PIAS1: variants seen among roughly 807,000 people sequenced by gnomAD.
PIAS1 encodes the protein protein inhibitor of activated STAT 1, also known as E3 SUMO-protein ligase PIAS1.
In PIAS1, 6 loss-of-function variants were observed where a neutral mutation model predicts 71.3. The observed-to-expected ratio is 0.08, with a 90% CI of 0.05 to 0.17. The LOEUF (loss-of-function observed/expected upper bound fraction) is 0.17, where lower values mean the gene tolerates loss of function less well. Among genes scored for constraint, PIAS1 ranks in the 10% least tolerant of loss-of-function variants. PIAS1 has a pLI of 1.00. For synonymous variants in PIAS1, 303 were observed against 292.9 expected (o/e 1.03, Z -0.35); for missense variants, 555 against 793.6 (o/e 0.70, Z 3.61).
chr15:68,154,622 A>G (rs1243207233), intron 7 of PIAS1, among the ~76,000 whole-genome samples: 1 of 152,214 alleles, frequency 6.6e-6, no homozygotes, highest in Non-Finnish European at 1.5e-5. Flanking sequence ...GGCAGAGTAA[A>G]AGATCCCACT....
chr15:68,092,822 T>C (rs1291777417), intron 2 of PIAS1, among the ~76,000 whole-genome samples: 1 of 152,318 alleles, frequency 6.6e-6, no homozygotes, highest in African/African-American at 2.4e-5. Context: ...ATCTTGGACT[T>C]CCCAGCTTCC....
At chr15:68,074,909 G>A (rs2092141785) in intron 1 of PIAS1, among the ~76,000 whole-genome samples, 1 of 150,548 alleles carries the variant, frequency 6.6e-6, no homozygotes, top group African/African-American at 2.4e-5. Flanking sequence ...AAAAAGTATA[G>A]TCTGTTTGGG....
In PIAS1 at chr15:68,086,277, A is replaced by G; in HGVS notation, c.25-29A>G. The G allele has an allele frequency of 7.2e-7, 1 of 1,398,576 alleles. No individual in the cohort carries two copies. The highest frequency in any genetic ancestry group is 9.8e-7 in the Non-Finnish European group (1 of 1,023,914). 86.6% of individuals were successfully genotyped at this position (1,398,576 alleles called of 1,614,324 possible). On this transcript the variant is annotated intron_variant, in intron 1 of 13. Coordinates refer to ENST00000249636, the MANE Select transcript of PIAS1 (RefSeq NM_016166.3). This position sits in a 1 kb window ranked among gnomAD's most constrained non-coding sequence, Gnocchi z 7.2. ...GTGTAAATTATATTATTGGAATACT[A>G]ATGTTTTACATTTTGTTTTTTCTCT...
chr15:68,127,102 G>A (rs1036914487), intron 2 of PIAS1, among the ~76,000 whole-genome samples: 4 of 151,646 alleles, frequency 2.6e-5, no homozygotes, highest in Admixed American at 6.6e-5. Context: ...ATTTTTGTAT[G>A]TTTAGTAGGG....
intron 2 of PIAS1, among the ~76,000 whole-genome samples, chr15:68,119,396 G>A (rs562938501): frequency 5.3e-5 from 8 of 151,634 alleles, no homozygotes; most frequent in Non-Finnish European, 7.4e-5. Flanking sequence ...AGTGAGCCAA[G>A]ATCATGCCAC....
intron 1 of PIAS1, among the ~76,000 whole-genome samples, chr15:68,060,455 A>G (rs1299191890): frequency 6.6e-6 from 1 of 152,016 alleles, no homozygotes; most frequent in Non-Finnish European, 1.5e-5. Context: ...TCTACTAAAA[A>G]TACAAAAATT....
At chr15:68,123,966 A>G (rs891063747) in intron 2 of PIAS1, among the ~76,000 whole-genome samples, 1 of 106,738 alleles carries the variant, frequency 9.4e-6, no homozygotes, top group Non-Finnish European at 1.9e-5. Context: ...AGGTATATGT[A>G]TACATATGTG....
intron 1 of PIAS1, among the ~76,000 whole-genome samples, chr15:68,069,000 A>G (rs925840597): frequency 2.1e-5 from 3 of 143,924 alleles, no homozygotes; most frequent in Non-Finnish European, 4.5e-5. Context: ...GGTTCAAGCC[A>G]TTCTCCTGGC....
At chr15:68,108,309 C>T (rs2092490195) in intron 2 of PIAS1, among the ~76,000 whole-genome samples, 1 of 152,238 alleles carries the variant, frequency 6.6e-6, no homozygotes, top group South Asian at 2.1e-4. Context: ...ACCCCATGAT[C>T]TGTTCTCAGT....
Position 68,141,965 on chromosome 15 carries a change from C to T in PIAS1, c.489C>T (p.Arg163=). 1 of 1,603,120 alleles carries T rather than the reference C, an allele frequency of 6.2e-7. No individual in the cohort carries two copies. The highest frequency in any genetic ancestry group is 8.5e-7 in the Non-Finnish European group (1 of 1,173,962). The change falls in exon 3 of 14, where the codon CGC becomes CGT. Residue 163 remains arginine (R), a synonymous_variant. Transcript: ENST00000249636. ...PTSLASDNSQ[R]FRETCFAFAL... ...CTTTAGCATCAGACAACAGTCAGCG[C>T]TTTCGAGAAACCTGTTTTGCATTTG...
chr15:68,135,594 G>C (rs1288844162), intron 2 of PIAS1, among the ~76,000 whole-genome samples: 1 of 53,032 alleles, frequency 1.9e-5, no homozygotes, highest in Admixed American at 1.6e-4. Flanking sequence ...CTCACCTCCC[G>C]GACGGGGTGG....
chr15:68,181,374 A>G lies in PIAS1; in HGVS notation c.1624+20A>G, dbSNP rs775235021. 1.2e-6 allele frequency: 2 copies of G among 1,609,146 alleles called. No individual in the cohort carries two copies. The highest frequency in any genetic ancestry group is 1.7e-6 in the Non-Finnish European group (2 of 1,175,748). On this transcript the variant is annotated intron_variant, in intron 12 of 13. Transcript: ENST00000249636. ...TACAAGGTGAGTCACTGGTTCTTCT[A>G]CATTGTCACATAGCATTATGAATGC... is the stretch of plus-strand genomic sequence containing the variant.
intron 2 of PIAS1, among the ~76,000 whole-genome samples, chr15:68,120,911 C>T (rs1291503181): frequency 6.6e-6 from 1 of 152,198 alleles, no homozygotes; most frequent in Non-Finnish European, 1.5e-5. Context: ...GCTGGGATTA[C>T]AGGCATGAGC....
At chr15:68,182,490 C>CATGTGTGTGTGT (rs142487547) in intron 12 of PIAS1, among the ~76,000 whole-genome samples, 1 of 123,280 alleles carries the variant, frequency 8.1e-6, no homozygotes, top group African/African-American at 3.2e-5. Flanking sequence ...GCTCAGGCTG[C>CATGTGTGTGTGT]GTGTGTGTGT....
intron 1 of PIAS1, among the ~76,000 whole-genome samples, chr15:68,071,849 G>A (rs2092100599): frequency 1.3e-5 from 2 of 151,994 alleles, no homozygotes; most frequent in Admixed American, 1.3e-4. Context: ...TTGGGAGGCT[G>A]AGGTGGGAGG....
At chr15:68,075,146 G>A (rs1374913897) in intron 1 of PIAS1, among the ~76,000 whole-genome samples, 9 of 133,902 alleles carry the variant, frequency 6.7e-5, no homozygotes, top group South Asian at 4.5e-4. Context: ...GCGAAGTGGC[G>A]TGATCTTGGC....
chr15:68,099,350 A>C (rs760645715), intron 2 of PIAS1, among the ~76,000 whole-genome samples: 8 of 151,060 alleles, frequency 5.3e-5, no homozygotes, highest in Non-Finnish European at 1.0e-4. Flanking sequence ...AGACTTAAGA[A>C]ATTTAGCACT....
intron 2 of PIAS1, among the ~76,000 whole-genome samples, chr15:68,126,750 C>T (rs2092653389): frequency 6.7e-6 from 1 of 150,112 alleles, no homozygotes; most frequent in Admixed American, 6.6e-5. Context: ...ATAGTTGTAC[C>T]ATGGTTATAA....
chr15:68,067,516 G>A (rs2092042197), intron 1 of PIAS1, among the ~76,000 whole-genome samples: 1 of 151,658 alleles, frequency 6.6e-6, no homozygotes, highest in Non-Finnish European at 1.5e-5. Context: ...TTTATGGGGG[G>A]AATATGGCAG....
Sources: allele counts gnomAD v4.1 joint callset (sites outside exome capture counted in the v4.1 genomes callset), GRCh38; gene constraint gnomAD v4.1.1; non-coding constraint Gnocchi (gnomAD v3.1); transcripts MANE v1.5; gene names NCBI Gene and HGNC (gene_info 2026-07-23, HGNC 2026-07-21).